The following ERBB4 variants were observed in gnomAD, a reference collection of about 807,000 sequenced individuals.
ERBB4 encodes receptor tyrosine-protein kinase erbB-4.
Under a neutral mutation model 158.0 loss-of-function variants are expected in ERBB4, and 42 were observed. That is an observed-to-expected ratio of 0.27 (90% CI 0.21 to 0.34). The LOEUF (loss-of-function observed/expected upper bound fraction) is 0.34, where lower values mean the gene tolerates loss of function less well. Ranked by LOEUF, ERBB4 falls within the 10% of genes least tolerant of loss-of-function variation. ERBB4 has a pLI of 1.00. For missense variants in ERBB4, 1,333 were observed against 1,624.1 expected, an observed-to-expected ratio of 0.82 and a Z score of 3.08; for synonymous variants, 583 against 558.7, an observed-to-expected ratio of 1.04 and a Z score of -0.61.
intron 5 of ERBB4, among the ~76,000 whole-genome samples, chr2:211,744,668 T>C (rs1369547424): frequency 2.6e-5 from 4 of 152,228 alleles, no homozygotes; most frequent in Non-Finnish European, 5.9e-5. Context: ...GCGTGGCTTC[T>C]CACCATTTAG....
At chr2:211,958,280 T>G (rs1206682843) in intron 2 of ERBB4, among the ~76,000 whole-genome samples, 1 of 152,134 alleles carries the variant, frequency 6.6e-6, no homozygotes, top group Non-Finnish European at 1.5e-5. Context: ...GCAATAGGCA[T>G]TCTATGGACA....
At chr2:211,940,379 A>G (rs1469177840) in intron 3 of ERBB4, among the ~76,000 whole-genome samples, 2 of 152,140 alleles carry the variant, frequency 1.3e-5, no homozygotes, top group Non-Finnish European at 2.9e-5. Context: ...TGCTTCCTCA[A>G]TAGATGAGCT....
At chr2:211,436,657 T>A (rs2125444231) in intron 20 of ERBB4, among the ~76,000 whole-genome samples, 1 of 152,340 alleles carries the variant, frequency 6.6e-6, no homozygotes, top group East Asian at 1.9e-4. Flanking sequence ...AATTGCCTAT[T>A]TCAGAAAATC....
At chr2:211,561,724 T>C in intron 20 of ERBB4, 179 bp downstream of exon 20, 1 of 630,144 alleles carries the variant, frequency 1.6e-6, no homozygotes. Flanking sequence ...AAAATATATA[T>C]CACGCATTTA....
chr2:212,201,385 C>T (rs1329555124), intron 1 of ERBB4, among the ~76,000 whole-genome samples: 1 of 152,130 alleles, frequency 6.6e-6, no homozygotes, highest in Non-Finnish European at 1.5e-5. Flanking sequence ...TTCCAAACAG[C>T]TCTCCCGTGG....
chr2:211,612,417 A>G (rs2069234165), intron 19 of ERBB4, among the ~76,000 whole-genome samples: 1 of 151,722 alleles, frequency 6.6e-6, no homozygotes, highest in African/African-American at 2.4e-5. Flanking sequence ...AATAATATTA[A>G]TATATAATAA....
At chr2:211,867,691 T>G (rs76042725) in intron 3 of ERBB4, among the ~76,000 whole-genome samples, 2 of 152,158 alleles carry the variant, frequency 1.3e-5, no homozygotes, top group Admixed American at 1.3e-4. Flanking sequence ...ACCTCCTGAG[T>G]AGCTGAGACT....
chr2:211,782,195 C>G (rs1177396610), intron 4 of ERBB4, among the ~76,000 whole-genome samples: 1 of 151,898 alleles, frequency 6.6e-6, no homozygotes, highest in Non-Finnish European at 1.5e-5. Flanking sequence ...GTTCATAAAA[C>G]TTTCAGAACC....
chr2:211,575,933 T>C (rs1396379440), intron 19 of ERBB4, among the ~76,000 whole-genome samples: 1 of 152,166 alleles, frequency 6.6e-6, no homozygotes, highest in African/African-American at 2.4e-5. Flanking sequence ...TATAATGAAC[T>C]TATTACCATC....
intron 1 of ERBB4, among the ~76,000 whole-genome samples, chr2:212,310,939 T>C (rs1193962916): frequency 6.6e-6 from 1 of 150,774 alleles, no homozygotes; most frequent in Non-Finnish European, 1.5e-5. Flanking sequence ...TTTTACATTC[T>C]TTTCTATGTA....
At chr2:211,936,048 T>C (rs1186575515) in intron 3 of ERBB4, among the ~76,000 whole-genome samples, 1 of 152,122 alleles carries the variant, frequency 6.6e-6, no homozygotes, top group Admixed American at 6.6e-5. Context: ...TGAATAATTT[T>C]TTAAAACTAG....
At chr2:211,524,044 C>T (rs2066266034) in intron 20 of ERBB4, among the ~76,000 whole-genome samples, 1 of 152,022 alleles carries the variant, frequency 6.6e-6, no homozygotes, top group Non-Finnish European at 1.5e-5. Context: ...GATTGGTGCA[C>T]TCACAAACCC....
At chr2:211,987,122 G>C (rs2081957699) in intron 2 of ERBB4, among the ~76,000 whole-genome samples, 1 of 151,864 alleles carries the variant, frequency 6.6e-6, no homozygotes, top group Non-Finnish European at 1.5e-5. Context: ...GAAGTTGAAG[G>C]CTGACCTAGC....
chr2:212,436,161 C>G (rs923822486), intron 1 of ERBB4, among the ~76,000 whole-genome samples: 24 of 151,892 alleles, frequency 1.6e-4, no homozygotes, highest in African/African-American at 5.8e-4. Context: ...GAATAAGTTT[C>G]TAGTCAACAC....
At chr2:212,427,706 T>C (rs1035049888) in intron 1 of ERBB4, among the ~76,000 whole-genome samples, 13 of 152,130 alleles carry the variant, frequency 8.5e-5, no homozygotes, top group Non-Finnish European at 1.8e-4. Flanking sequence ...AAGGAAATAT[T>C]TGTGAGCCTT....
chr2:211,631,089 T>C (rs943970125), intron 16 of ERBB4, among the ~76,000 whole-genome samples: 12 of 152,140 alleles, frequency 7.9e-5, no homozygotes, highest in African/African-American at 2.7e-4. Context: ...AAGTGTCCTG[T>C]GCATTTTAGG....
chr2:211,745,682 G>T, intron 5 of ERBB4, among the ~76,000 whole-genome samples: 1 of 138,530 alleles, frequency 7.2e-6, no homozygotes, highest in African/African-American at 2.6e-5. Context: ...CTGCATTGTT[G>T]AATTTCATTG....
intron 1 of ERBB4, among the ~76,000 whole-genome samples, chr2:212,433,843 T>C (rs1026073673): frequency 3.3e-5 from 5 of 152,014 alleles, no homozygotes; most frequent in African/African-American, 1.2e-4. Flanking sequence ...ATTCTACGCA[T>C]GGCAGTGTGC....
At chr2:212,377,774 C>T (rs2090373183) in intron 1 of ERBB4, among the ~76,000 whole-genome samples, 1 of 151,816 alleles carries the variant, frequency 6.6e-6, no homozygotes, top group African/African-American at 2.4e-5. Flanking sequence ...ATAATATAAC[C>T]TTAGCTTACC....
Sources: gnomAD v4.1 joint callset for allele counts (sites outside exome capture counted in the v4.1 genomes callset) on GRCh38, gnomAD v4.1.1 for gene constraint, MANE v1.5 for transcripts, NCBI Gene and HGNC (gene_info 2026-07-23, HGNC 2026-07-21) for gene names.